The following TLK1 variants were observed in gnomAD, a reference collection of about 807,000 sequenced individuals.
The protein encoded by TLK1 is tousled like kinase 1, also known as serine/threonine-protein kinase tousled-like 1.
A neutral mutation model predicts 105.3 loss-of-function variants in TLK1; 24 were observed. That is an observed-to-expected ratio of 0.23 (90% CI 0.17 to 0.32). The LOEUF is 0.32. Ranked by LOEUF, TLK1 falls within the 10% of genes least tolerant of loss-of-function variation. The probability of loss-of-function intolerance (pLI) is 1.00; values close to 1 mark genes in which losing one functional copy is unlikely to be tolerated. For missense variants in TLK1, 558 were observed against 910.5 expected (o/e 0.61, Z 4.98); for synonymous variants, 321 against 310.4 (o/e 1.03, Z -0.36).
chr2:171,162,687 T>A (rs78485301), upstream of TLK1, among the ~76,000 whole-genome samples: 4 of 152,334 alleles, frequency 2.6e-5, no homozygotes, highest in East Asian at 7.7e-4. Flanking sequence ...ACTACTTCCA[T>A]TCTCTCCAAC....
chr2:171,044,068 G>A (rs1275055440), intron 11 of TLK1, among the ~76,000 whole-genome samples: 1 of 152,158 alleles, frequency 6.6e-6, no homozygotes, highest in Non-Finnish European at 1.5e-5. Context: ...AGTACATTTT[G>A]AGATGGACTT....
At chr2:171,002,384 G>T (rs928402628) in intron 18 of TLK1, among the ~76,000 whole-genome samples, 2 of 151,774 alleles carry the variant, frequency 1.3e-5, no homozygotes, top group African/African-American at 4.8e-5. Flanking sequence ...TCAGCCTCCC[G>T]AGTAGCTAGG....
intron 7 of TLK1, chr2:171,054,690 T>C (rs7600914): frequency 0.35 from 53,497 of 152,692 alleles, 9,799 homozygotes; most frequent in African/African-American, 0.4. Flanking sequence ...TAAATAAGTA[T>C]AGAAAATATA....
At chr2:170,995,537 T>G (rs62168973) in intron 20 of TLK1, among the ~76,000 whole-genome samples, 2 of 152,038 alleles carry the variant, frequency 1.3e-5, no homozygotes, top group Admixed American at 1.3e-4. Flanking sequence ...CAGTCAGTAT[T>G]AAACAAACAG....
At chr2:171,106,574 A>G (rs930534476) in intron 2 of TLK1, among the ~76,000 whole-genome samples, 12 of 152,116 alleles carry the variant, frequency 7.9e-5, no homozygotes, top group Non-Finnish European at 1.5e-4. Context: ...ATACTGCTCT[A>G]TTTTTCTCTA....
At chr2:171,184,158 G>A (rs751957072) in intron 1 of TLK1, among the ~76,000 whole-genome samples, 3 of 152,188 alleles carry the variant, frequency 2.0e-5, no homozygotes, top group Non-Finnish European at 2.9e-5. Context: ...AAAAGCCAAG[G>A]AACGAGGGTG....
intron 12 of TLK1, among the ~76,000 whole-genome samples, chr2:171,027,020 C>A (rs1685806124): frequency 6.6e-6 from 1 of 152,048 alleles, no homozygotes; most frequent in South Asian, 2.1e-4. Flanking sequence ...GGGCAGTTGG[C>A]ATAGACAGAT....
intron 1 of TLK1, among the ~76,000 whole-genome samples, chr2:171,215,416 G>T (rs1371289816): frequency 6.8e-6 from 1 of 147,424 alleles, no homozygotes; most frequent in Non-Finnish European, 1.5e-5. Flanking sequence ...TTTTTCCTCA[G>T]CGATCTGAGG....
intron 3 of TLK1, among the ~76,000 whole-genome samples, chr2:171,065,538 TTTC>T (rs1295102712): frequency 9.5e-5 from 5 of 52,822 alleles, no homozygotes; most frequent in Non-Finnish European, 1.5e-4. Context: ...CTGGCTATTC[TTTC>T]TTTTTTTTTT....
Position 171,132,446 on chromosome 2 carries a change from A to AC in TLK1, c.140-14590dup, listed in dbSNP as rs201056957. Among the ~76,000 whole-genome samples the AC allele has an allele frequency of 5.4e-3, 812 of 151,412 alleles. 8 individuals are homozygous for AC. Among genetic ancestry groups the AC allele is most frequent in the African/African-American group, 0.016 (654 of 41,258 alleles). On this transcript the variant is annotated intron_variant, in intron 1 of 20. Transcript: ENST00000431350. ...TATCCAGAAACTCATAAAGTTACTT[A>AC]CCCCCCCCAACACGAGTTTCAGATA...
chr2:171,146,721 CTG>C (rs1482537646), intron 1 of TLK1, among the ~76,000 whole-genome samples: 1 of 152,204 alleles, frequency 6.6e-6, no homozygotes, highest in African/African-American at 2.4e-5. Flanking sequence ...TGGAGGAAAA[CTG>C]TGTAACTCCC....
intron 1 of TLK1, among the ~76,000 whole-genome samples, chr2:171,170,330 C>T (rs1269720083): frequency 6.6e-6 from 1 of 152,094 alleles, no homozygotes; most frequent in African/African-American, 2.4e-5. Context: ...ATGAGATACA[C>T]AAAAAGATAA....
rs113782467 is a variant in TLK1 at position 171,070,006 on chromosome 2, A to G, written c.331-8850T>C. Among the ~76,000 whole-genome samples, 333 of 152,310 alleles carry G rather than the reference A, an allele frequency of 2.2e-3. 5 individuals are homozygous for G. Among genetic ancestry groups the G allele is most frequent in the African/African-American group, 7.4e-3 (306 of 41,572 alleles). On this transcript the variant is annotated intron_variant, in intron 3 of 20. Coordinates refer to ENST00000431350, the MANE Select transcript of TLK1 (RefSeq NM_012290.5). Reference sequence around the variant, plus strand: ...GCAAGTGAGATGAGTATGCTAGAGAATAAGTAGTAGCCTATTAACGAGGTG... The same window carrying G: ...GCAAGTGAGATGAGTATGCTAGAGAGTAAGTAGTAGCCTATTAACGAGGTG...
chr2:171,208,830 G>A lies in TLK1; in HGVS notation c.-6+22315C>T, dbSNP rs183047485. Among the ~76,000 whole-genome samples, 51 of 152,320 alleles carry A rather than the reference G, an allele frequency of 3.3e-4. No homozygotes were observed. In the East Asian group the frequency reaches 9.8e-3, roughly 29 times the overall value. ...TGCAAGCCCAGTGCAGAGCATTTTA[G>A]CAGTGTCTATCAAAATAATAAATGC... is the stretch of plus-strand genomic sequence containing the variant. On this transcript the variant is annotated intron_variant, in intron 1 of 20. Transcript: ENST00000521943.
rs143235801 is a variant in TLK1 at position 171,001,102 on chromosome 2, C to T, written c.1905-3279G>A. On this transcript the variant is annotated intron_variant, in intron 18 of 20. Transcript: ENST00000431350. ...CAAAGTCATATGCAACAACTGGACA[C>T]GGTTTTCTCTTGCAGCAATGTACTC... Among the ~76,000 whole-genome samples, 204 of 152,312 alleles carry T rather than the reference C, an allele frequency of 1.3e-3. 1 individual carries two copies. The highest frequency in any genetic ancestry group is 4.5e-3 in the African/African-American group (187 of 41,566).
intron 2 of TLK1, among the ~76,000 whole-genome samples, chr2:171,090,890 T>G (rs1229423746): frequency 6.6e-6 from 1 of 152,200 alleles, no homozygotes; most frequent in Non-Finnish European, 1.5e-5. Flanking sequence ...AAAATTAAAT[T>G]GAAAATTAAT....
intron 2 of TLK1, among the ~76,000 whole-genome samples, chr2:171,100,808 A>G (rs531058357): frequency 9.9e-5 from 15 of 152,186 alleles, no homozygotes; most frequent in Non-Finnish European, 1.9e-4. Flanking sequence ...AGAATCAGTA[A>G]TTTCACTCCT....
At chr2:171,186,981 C>G (rs1172409515) in intron 1 of TLK1, among the ~76,000 whole-genome samples, 2 of 134,606 alleles carry the variant, frequency 1.5e-5, no homozygotes, top group African/African-American at 5.6e-5. Flanking sequence ...TCGTTTGAAC[C>G]TGGGAGGCAG....
At chr2:171,064,978 TATTA>T in intron 3 of TLK1, among the ~76,000 whole-genome samples, 1 of 152,224 alleles carries the variant, frequency 6.6e-6, no homozygotes, top group Admixed American at 6.5e-5. Context: ...GGTCAGTGAT[TATTA>T]ATCAAGGTTT....
Sources: gnomAD v4.1 joint callset for allele counts (sites outside exome capture counted in the v4.1 genomes callset) on GRCh38, gnomAD v4.1.1 for gene constraint, MANE v1.5 for transcripts, NCBI Gene and HGNC (gene_info 2026-07-23, HGNC 2026-07-21) for gene names.